Variants in DGKH observed in about 807,000 individuals in gnomAD.
The protein encoded by DGKH is diacylglycerol kinase eta, also known as DAG kinase eta.
DGKH carries 90 observed loss-of-function variants against 159.3 expected under a neutral mutation model. The observed-to-expected ratio is 0.57, with a 90% CI of 0.48 to 0.67. The LOEUF is 0.67. DGKH is among the 30% of genes least tolerant of loss of function. The probability of loss-of-function intolerance (pLI) is 0.00; values close to 1 mark genes in which losing one functional copy is unlikely to be tolerated. For synonymous variants in DGKH, 536 were observed against 553.8 expected (o/e 0.97, Z 0.45); for missense variants, 1,181 against 1,506.1 (o/e 0.78, Z 3.57).
intron 1 of DGKH, among the ~76,000 whole-genome samples, chr13:42,122,850 G>A (rs552359056): frequency 4.6e-5 from 7 of 152,266 alleles, no homozygotes; most frequent in Admixed American, 1.3e-4. Flanking sequence ...AGGAAATTTT[G>A]TCTTCAGAGA....
intron 1 of DGKH, among the ~76,000 whole-genome samples, 175 bp downstream of exon 1, chr13:42,049,140 GTGAGAC>G (rs1881048222): frequency 1.5e-5 from 2 of 134,544 alleles, no homozygotes; most frequent in Admixed American, 7.2e-5. Flanking sequence ...GGCGGGGATG[GTGAGAC>G]GGTGAGGCGG....
rs1223953901 is a variant in DGKH, at chr13:42,135,489, C to CACAAAAAAAAAAAAAAAAAAAAAAAA, written c.384+5858_384+5859insCAAAAAAAAAAAAAAAAAAAAAAAAA. Among the ~76,000 whole-genome samples the CACAAAAAAAAAAAAAAAAAAAAAAAA allele has an allele frequency of 4.3e-3, 218 of 50,906 alleles. 8 individuals are homozygous for CACAAAAAAAAAAAAAAAAAAAAAAAA. Among genetic ancestry groups the CACAAAAAAAAAAAAAAAAAAAAAAAA allele is most frequent in the Non-Finnish European group, 6.8e-3 (158 of 23,350 alleles). The allele number at this position is 50,906 out of a possible 152,430, so 33.4% of individuals were successfully genotyped here. A position where few individuals can be genotyped will look rare whatever the true frequency, so the allele number is the denominator to read the frequency against. ...TGGGTGGCAGAGAAAGACCCTGTCT[C>CACAAAAAAAAAAAAAAAAAAAAAAAA]AGAAAAAAAAAAAAAAAAAGAGAGA... On this transcript the variant is annotated intron_variant, in intron 3 of 29. Transcript: ENST00000337343.
chr13:42,194,152 A>G (rs1201239232), intron 16 of DGKH, among the ~76,000 whole-genome samples: 2 of 152,138 alleles, frequency 1.3e-5, no homozygotes, highest in Non-Finnish European at 2.9e-5. Flanking sequence ...TTATTTGTTT[A>G]TGTATGAGAC....
intron 24 of DGKH, among the ~76,000 whole-genome samples, chr13:42,213,285 A>G (rs1957706951): frequency 6.6e-6 from 1 of 152,170 alleles, no homozygotes; most frequent in South Asian, 2.1e-4. Context: ...AAACAGGTTG[A>G]CCTTAATGTT....
intron 1 of DGKH, among the ~76,000 whole-genome samples, chr13:42,091,779 T>G (rs567252256): frequency 2.4e-4 from 37 of 152,320 alleles, no homozygotes; most frequent in African/African-American, 8.7e-4. Flanking sequence ...AATAGACATT[T>G]CTTAAAAGAA....
chr13:42,051,811 A>C (rs576245281), intron 1 of DGKH, among the ~76,000 whole-genome samples: 1 of 152,000 alleles, frequency 6.6e-6, no homozygotes, highest in East Asian at 1.9e-4. Context: ...GATTACAGGC[A>C]TGCGCCACCA....
At chr13:42,255,928 A>G (rs878912174) in intron 30 of DGKH, 7 of 1,596,048 alleles carry the variant, frequency 4.4e-6, no homozygotes, top group Non-Finnish European at 6.0e-6. Context: ...TCACTGCTCC[A>G]AATAAATTTG....
intron 1 of DGKH, among the ~76,000 whole-genome samples, chr13:42,091,216 CAT>C (rs1260273600): frequency 6.6e-6 from 1 of 151,862 alleles, no homozygotes; most frequent in Admixed American, 6.6e-5. Context: ...TAGAAGAAAA[CAT>C]AGAAGAAAAG....
chr13:42,044,977 TG>T (rs1178380253), upstream of DGKH, among the ~76,000 whole-genome samples: 2 of 152,122 alleles, frequency 1.3e-5, no homozygotes, highest in Non-Finnish European at 2.9e-5. Context: ...AGTCCTTAGT[TG>T]GGGGATGCTA....
At chr13:42,166,116 C>G (rs1239587926) in intron 8 of DGKH, among the ~76,000 whole-genome samples, 1 of 152,010 alleles carries the variant, frequency 6.6e-6, no homozygotes, top group Non-Finnish European at 1.5e-5. Context: ...GCTTTTCAAA[C>G]TTTTTAATTT....
chr13:42,089,366 T>C (rs1862671050), intron 1 of DGKH, among the ~76,000 whole-genome samples: 1 of 152,194 alleles, frequency 6.6e-6, no homozygotes, highest in Admixed American at 6.5e-5. Context: ...TATTAATAAA[T>C]TTAATGTTTT....
chr13:42,182,647 A>G (rs1956799305), intron 13 of DGKH, among the ~76,000 whole-genome samples: 1 of 152,130 alleles, frequency 6.6e-6, no homozygotes, highest in Admixed American at 6.5e-5. Context: ...TAGACAAAAC[A>G]ATCTGTTTTC....
At chr13:42,160,704 G>A (rs17645393) in intron 7 of DGKH, among the ~76,000 whole-genome samples, 17,630 of 152,192 alleles carry the variant, frequency 0.12, 1,570 homozygotes, top group East Asian at 0.42. Context: ...GGGTGTGAGC[G>A]TTCATCTCAG....
chr13:42,129,751 A>G, intron 3 of DGKH, 119 bp downstream of exon 3: 4 of 838,154 alleles, frequency 4.8e-6, no homozygotes, highest in Non-Finnish European at 7.5e-6. Flanking sequence ...TGGAGTTCCT[A>G]CCAACACAAT....
At chr13:42,254,131 C>T (rs1958640521) in intron 30 of DGKH, among the ~76,000 whole-genome samples, 2 of 151,866 alleles carry the variant, frequency 1.3e-5, no homozygotes, top group Admixed American at 1.3e-4. Context: ...ATCTTTCTAC[C>T]CTAATAAGAT....
intron 21 of DGKH, among the ~76,000 whole-genome samples, chr13:42,206,975 T>TTTTCTTTCTTTC (rs748683859): frequency 0.13 from 10,656 of 81,926 alleles, 1,508 homozygotes; most frequent in East Asian, 0.14. Context: ...TACTTTTACT[T>TTTTCTTTCTTTC]TTTCTTTCTT....
intron 1 of DGKH, among the ~76,000 whole-genome samples, chr13:42,060,291 T>G (rs543296542): frequency 6.6e-6 from 1 of 152,344 alleles, no homozygotes; most frequent in South Asian, 2.1e-4. Context: ...TGTTTTTGTT[T>G]CCTAGAAGTC....
Position 42,236,939 on chromosome 13 carries a change from T to C in DGKH, c.*7751T>C, listed in dbSNP as rs1293344161. ...AAAGAATTTTGAACCCCCCAAAATA[T>C]CACATATCTAGCAGTTCTAGGTTCC... On this transcript the variant is annotated 3_prime_UTR_variant, in exon 30 of 30. Transcript: ENST00000337343. 4 of 152,136 alleles carry C rather than the reference T, an allele frequency of 2.6e-5. No individual in the cohort carries two copies. Among genetic ancestry groups the C allele is most frequent in the Non-Finnish European group, 5.9e-5 (4 of 68,028 alleles). The allele number at this position is 152,136 out of a possible 1,614,324, so 9.4% of individuals were successfully genotyped here.
chr13:42,118,604 C>CT (rs1234623807), intron 1 of DGKH, among the ~76,000 whole-genome samples: 2 of 152,242 alleles, frequency 1.3e-5, no homozygotes, highest in Admixed American at 1.3e-4. Context: ...TGGCTTCTTC[C>CT]TACCCCTACG....
Sources: gnomAD v4.1 joint callset for allele counts (sites outside exome capture counted in the v4.1 genomes callset) on GRCh38, gnomAD v4.1.1 for gene constraint, MANE v1.5 for transcripts, NCBI Gene and HGNC (gene_info 2026-07-23, HGNC 2026-07-21) for gene names.